The following ABTB2 variants were observed in gnomAD, a reference collection of about 807,000 sequenced individuals.
ABTB2 encodes ankyrin repeat and BTB/POZ domain-containing protein 2.
In ABTB2, 56 loss-of-function variants were observed where a neutral mutation model predicts 104.1. That is an observed-to-expected ratio of 0.54 (90% CI 0.43 to 0.67). ABTB2 has a LOEUF of 0.67. Ranked by LOEUF, ABTB2 falls within the 30% of genes least tolerant of loss-of-function variation. ABTB2 has a pLI of 0.00. For missense variants in ABTB2, 1,279 were observed against 1,407.7 expected (o/e 0.91, Z 1.46); for synonymous variants, 606 against 608.2 (o/e 1.00, Z 0.05).
chr11:34,174,337 AAAAAAAAAAAAAAG>A (rs1253004573), intron 3 of ABTB2, among the ~76,000 whole-genome samples: 9 of 42,540 alleles, frequency 2.1e-4, no homozygotes. Context: ...AAAAAAAAAA[AAAAAAAAAAAAAAG>A]AAAGAAAAAG....
At chr11:34,353,359 T>C (rs190621636) in intron 1 of ABTB2, among the ~76,000 whole-genome samples, 44 of 151,816 alleles carry the variant, frequency 2.9e-4, no homozygotes, top group Admixed American at 2.6e-3. Flanking sequence ...TGGGAAGTGA[T>C]GGGGGAGAGG....
intron 1 of ABTB2, among the ~76,000 whole-genome samples, chr11:34,326,015 T>TAAAATAAAATAA (rs869278215): frequency 1.5e-4 from 22 of 142,782 alleles, no homozygotes; most frequent in African/African-American, 5.4e-4. Context: ...TAAAATAAAA[T>TAAAATAAAATAA]AAAGAAAAAG....
intron 1 of ABTB2, among the ~76,000 whole-genome samples, chr11:34,288,774 GA>G (rs1854533671): frequency 6.6e-6 from 1 of 151,940 alleles, no homozygotes; most frequent in East Asian, 1.9e-4. Context: ...GGTGCACAAG[GA>G]AGGTATAGGG....
At chr11:34,339,397 G>A (rs1479323045) in intron 1 of ABTB2, among the ~76,000 whole-genome samples, 2 of 152,184 alleles carry the variant, frequency 1.3e-5, no homozygotes, top group Non-Finnish European at 2.9e-5. Flanking sequence ...GGGCTGTGGG[G>A]ACAATGAAGG....
intron 3 of ABTB2, among the ~76,000 whole-genome samples, chr11:34,175,300 T>C (rs1368382979): frequency 1.3e-5 from 2 of 152,234 alleles, no homozygotes; most frequent in Non-Finnish European, 2.9e-5. Context: ...CCATAGTAAG[T>C]TGAAAATATC....
At chr11:34,338,273 T>C (rs141425677) in intron 1 of ABTB2, among the ~76,000 whole-genome samples, 16 of 151,086 alleles carry the variant, frequency 1.1e-4, no homozygotes, top group African/African-American at 3.9e-4. Context: ...CCCAGCTACT[T>C]AGGAGGCTGA....
chr11:34,198,440 AC>A lies in ABTB2; in HGVS notation c.1031-903del, dbSNP rs58499078. On this transcript the variant is annotated intron_variant, in intron 2 of 16. Coordinates refer to ENST00000435224, the MANE Select transcript of ABTB2 (RefSeq NM_145804.3). ...GTGAGACTTTGTCTCAAAAAAACAA[AC>A]AAACAACAACAACAAAAAAAAACAA... Among the ~76,000 whole-genome samples, 378 of 104,114 alleles carry A rather than the reference AC, an allele frequency of 3.6e-3. 3 individuals are homozygous for A. Among genetic ancestry groups the A allele is most frequent in the African/African-American group, 0.015 (369 of 25,360 alleles). 68.3% of individuals were successfully genotyped at this position (104,114 alleles called of 152,430 possible).
intron 1 of ABTB2, among the ~76,000 whole-genome samples, chr11:34,261,261 G>A (rs2133074681): frequency 1.3e-5 from 2 of 152,256 alleles, no homozygotes; most frequent in South Asian, 4.1e-4. Flanking sequence ...AATGCTGCTA[G>A]AGTGACTGAT....
Position 34,342,975 on chromosome 11 carries a change from T to C in ABTB2, c.883+13726A>G, listed in dbSNP as rs191378746. On this transcript the variant is annotated intron_variant, in intron 1 of 16. Transcript: ENST00000435224. ...TTTATTTATTTATTCGTTCATTCAT[T>C]CATTCATTTTTTGAGATGGAGTCTC... 7.6e-3 allele frequency among the ~76,000 whole-genome samples: 1,161 copies of C among 152,150 alleles called. 14 individuals carry two copies. The highest frequency in any genetic ancestry group is 0.027 in the African/African-American group (1,111 of 41,466).
At chr11:34,247,048 T>G (rs1018743678) in intron 1 of ABTB2, among the ~76,000 whole-genome samples, 7 of 152,106 alleles carry the variant, frequency 4.6e-5, no homozygotes, top group African/African-American at 1.7e-4. Flanking sequence ...GGTTTCTCCA[T>G]GTTGGTCAGG....
chr11:34,313,915 G>A (rs532727248), intron 1 of ABTB2, among the ~76,000 whole-genome samples: 50 of 152,188 alleles, frequency 3.3e-4, no homozygotes, highest in Non-Finnish European at 6.6e-4. Context: ...CCCCAGCACT[G>A]CTGACGTTAA....
At chr11:34,277,328 G>A (rs564382752) in intron 1 of ABTB2, among the ~76,000 whole-genome samples, 2 of 152,236 alleles carry the variant, frequency 1.3e-5, no homozygotes, top group East Asian at 1.9e-4. Context: ...GTCTTAGCCC[G>A]TGGAGGTAGC....
intron 1 of ABTB2, among the ~76,000 whole-genome samples, chr11:34,309,428 G>A (rs1854822843): frequency 6.6e-6 from 1 of 152,158 alleles, no homozygotes; most frequent in African/African-American, 2.4e-5. Context: ...TGACACAAGG[G>A]TGCAGGTCAG....
rs1852549256 is a variant in ABTB2, at chr11:34,152,090, C to T, written c.*297G>A. On this transcript the variant is annotated 3_prime_UTR_variant, in exon 17 of 17. Transcript: ENST00000435224. ...AGGTGGATCAGGATCAGCTGCTGAC[C>T]TGCAGGAGGGGAGAGCGACACCCCG... The T allele has an allele frequency of 9.7e-6, 4 of 413,064 alleles. No individual in the cohort carries two copies. The highest frequency in any genetic ancestry group is 1.8e-5 in the Non-Finnish European group (4 of 220,928). 25.6% of individuals were successfully genotyped at this position (413,064 alleles called of 1,614,324 possible). A position where few individuals can be genotyped will look rare whatever the true frequency, so the allele number is the denominator to read the frequency against.
rs370422631 is a variant in ABTB2 at position 34,167,900 on chromosome 11, C to T, written c.1653+3G>A. 83 of 1,614,054 alleles carry T rather than the reference C, an allele frequency of 5.1e-5. No individual in the cohort carries two copies. In the African/African-American group the frequency reaches 7.5e-4, roughly 15 times the overall value. ...TGGGTGCAGCTCTGTGGGGCTTCCTCACCTGGATGTCCAAGTTTGCCCCAG... is the reference window on the plus strand; with the variant it reads ...TGGGTGCAGCTCTGTGGGGCTTCCTTACCTGGATGTCCAAGTTTGCCCCAG... On this transcript the variant is annotated splice_donor_region_variant and intron_variant, in intron 6 of 16. Transcript: ENST00000435224.
chr11:34,357,647 C>A lies in ABTB2; in HGVS notation c.-64G>T. On this transcript the variant is annotated 5_prime_UTR_variant, in exon 1 of 17. Coordinates refer to ENST00000435224, the MANE Select transcript of ABTB2 (RefSeq NM_145804.3). ...ACTCACAACTCCATGCCCTCTTTCC[C>A]AAGTGGGCAGAAACAAGCTCTAGGC... The A allele has an allele frequency of 1.4e-6, 2 of 1,422,254 alleles. No homozygotes were observed. Among genetic ancestry groups the A allele is most frequent in the Non-Finnish European group, 1.8e-6 (2 of 1,082,780 alleles). The allele number at this position is 1,422,254 out of a possible 1,614,324, so 88.1% of individuals were successfully genotyped here. A position where few individuals can be genotyped will look rare whatever the true frequency, so the allele number is the denominator to read the frequency against.
At chr11:34,164,898 A>G in intron 8 of ABTB2, 77 bp from the exon 9 acceptor site, 1 of 1,525,610 alleles carries the variant, frequency 6.6e-7, no homozygotes, top group East Asian at 2.4e-5. Flanking sequence ...GGGAAGGGAG[A>G]GCAGGATTCT....
chr11:34,168,641 G>A (rs1329361707), intron 5 of ABTB2, among the ~76,000 whole-genome samples: 3 of 152,204 alleles, frequency 2.0e-5, no homozygotes, highest in African/African-American at 4.8e-5. Context: ...CTAGCGAGAG[G>A]TTGAACTCGG....
chr11:34,214,476 T>G (rs902603253), intron 1 of ABTB2, among the ~76,000 whole-genome samples: 4 of 152,064 alleles, frequency 2.6e-5, no homozygotes, highest in African/African-American at 9.7e-5. Flanking sequence ...GGTATAACAT[T>G]TGTTATCTGA....
Sources: gnomAD v4.1 joint callset for allele counts (sites outside exome capture counted in the v4.1 genomes callset) on GRCh38, gnomAD v4.1.1 for gene constraint, MANE v1.5 for transcripts, NCBI Gene and HGNC (gene_info 2026-07-23, HGNC 2026-07-21) for gene names.